Variants in PSG3 observed in about 807,000 individuals in gnomAD.
PSG3 encodes pregnancy-specific beta-1-glycoprotein 3.
PSG3 carries 61 observed loss-of-function variants against 47.5 expected under a neutral mutation model. That is an observed-to-expected ratio of 1.28 (90% CI 1.05 to 1.59). The LOEUF (loss-of-function observed/expected upper bound fraction) is 1.59. Among genes scored for constraint, PSG3 ranks in the 40% most tolerant of loss-of-function variants. The pLI is 0.00. For synonymous variants in PSG3, 263 were observed against 198.4 expected (o/e 1.33, Z -2.74); for missense variants, 756 against 524.0 (o/e 1.44, Z -4.32).
Position 42,729,257 on chromosome 19 carries a change from C to T in PSG3, c.1109G>A (p.Gly370Glu), listed in dbSNP as rs966932547. The T allele has an allele frequency of 1.2e-6, 2 of 1,613,910 alleles. No individual in the cohort carries two copies. Among genetic ancestry groups the T allele is most frequent in the Non-Finnish European group, 1.7e-6 (2 of 1,179,944 alleles). Residue 370 changes from glycine to glutamate, a missense_variant, in exon 5 of 7, where the codon GGG becomes GAG. Transcript: ENST00000327495. ...PPAEYSWTIN[G>E]KFQLSGQKLF... is the part of the protein sequence containing the mutation. ...CTTTTGTCCTGATAGCTGAAACTTC[C>T]CATTAATTGTCCAAGAATATTCTGC...
Position 42,729,108 on chromosome 19 carries a change from C to G in PSG3, c.1243+15G>C, listed in dbSNP as rs1261350872. 2 of 1,613,822 alleles carry G rather than the reference C, an allele frequency of 1.2e-6. No individual in the cohort carries two copies. Among genetic ancestry groups the G allele is most frequent in the African/African-American group, 2.7e-5 (2 of 74,920 alleles). On this transcript the variant is annotated intron_variant, in intron 5 of 6. Coordinates refer to ENST00000327495, the MANE Select transcript of PSG3 (RefSeq NM_021016.4). ...ACCTAAAACTCTATTGCCAAGCATG[C>G]TGGGATCCACTTACCAGAGACTTTG...
Position 42,737,232 on chromosome 19 carries a change from C to T in PSG3, c.430+1492G>A, listed in dbSNP as rs140086840. On this transcript the variant is annotated intron_variant, in intron 2 of 6. Transcript: ENST00000327495. ...GTCAAGAGGTAGTGGGGGGATGAAA[C>T]GTGGGTGTCAGCCTCTGAAGGACAA... Among the ~76,000 whole-genome samples, 381 of 152,188 alleles carry T rather than the reference C, an allele frequency of 2.5e-3. 3 individuals are homozygous for T. Among genetic ancestry groups the T allele is most frequent in the African/African-American group, 8.6e-3 (355 of 41,516 alleles).
In PSG3 at chr19:42,740,389, T is replaced by G; in HGVS notation, c.-5A>C. 6.2e-7 allele frequency: 1 copy of G among 1,614,066 alleles called. No homozygotes were observed. Among genetic ancestry groups the G allele is most frequent in the East Asian group, 2.2e-5 (1 of 44,878 alleles). ...AGGGGCTGAGAGGGGCCCCATGGTC[T>G]CTGCTGCCTGCGTGTTCTCCTCTGT... On this transcript the variant is annotated 5_prime_UTR_variant, in exon 1 of 7. Transcript: ENST00000327495.
At chr19:42,725,558 A>G (rs544225130) in intron 5 of PSG3, among the ~76,000 whole-genome samples, 3 of 152,190 alleles carry the variant, frequency 2.0e-5, no homozygotes, top group Non-Finnish European at 4.4e-5. Flanking sequence ...TAAAATTCCT[A>G]AAATCAGAAA....
chr19:42,739,269 C>A (rs2122203620), intron 1 of PSG3, 180 bp from the exon 2 acceptor site: 7 of 1,121,570 alleles, frequency 6.2e-6, no homozygotes, highest in East Asian at 2.5e-5. Flanking sequence ...GTCCTACTCT[C>A]CTACTAGGTG....
chr19:42,731,213 G>A (rs1010888936), intron 3 of PSG3, among the ~76,000 whole-genome samples: 6 of 152,208 alleles, frequency 3.9e-5, no homozygotes, highest in African/African-American at 1.2e-4. Flanking sequence ...CACAGATTGA[G>A]TATTTCTTAT....
In PSG3 at chr19:42,721,715, T is replaced by C. The variant is rs1162601400; in HGVS notation, c.*416A>G. On this transcript the variant is annotated 3_prime_UTR_variant, in exon 7 of 7. Transcript: ENST00000327495. ...AATAGTTTCCCAATTCTGGGGCACT[T>C]AGGGAGCAAAAGCAAATGTTTCAAT... 2.7e-6 allele frequency: 1 copy of C among 365,622 alleles called. No homozygotes were observed. The highest frequency in any genetic ancestry group is 2.1e-5 in the African/African-American group (1 of 47,934). 22.6% of individuals were successfully genotyped at this position (365,622 alleles called of 1,614,324 possible).
chr19:42,723,990 G>C lies in PSG3; in HGVS notation c.1279C>G (p.Pro427Ala). Residue 427 changes from proline to alanine, a missense_variant, in exon 6 of 7, where the codon CCA becomes GCA. Transcript: ENST00000327495. ...SGTGHLPGLN[P>A]L ...AAATGACATCACGGCTGCTATAATGGATTAAGGCCAGGAAGATGTCCTGTT... is the reference window on the plus strand; with the variant it reads ...AAATGACATCACGGCTGCTATAATGCATTAAGGCCAGGAAGATGTCCTGTT... The C allele has an allele frequency of 6.2e-7, 1 of 1,611,212 alleles. No homozygotes were observed. The highest frequency in any genetic ancestry group is 8.5e-7 in the Non-Finnish European group (1 of 1,177,352).
In PSG3 at chr19:42,732,848, A is replaced by C; in HGVS notation, c.645T>G (p.Tyr215Ter). The part of the protein sequence containing the change: ...FGVTKYTAGP[Y>*]ECEIRNPVSA... ...TCACTGGGTTCCGTATTTCACATTCATAGGGTCCTGCAGTGTACTTTGTGA... is the reference window on the plus strand; with the variant it reads ...TCACTGGGTTCCGTATTTCACATTCCTAGGGTCCTGCAGTGTACTTTGTGA... Residue 215 changes from tyrosine (Y) to a stop codon, truncating the protein, a stop_gained, in exon 3 of 7, where the codon TAT becomes TAG. Transcript: ENST00000327495. LOFTEE classifies it high-confidence loss of function. 1 of 1,614,166 alleles carries C rather than the reference A, an allele frequency of 6.2e-7. No individual in the cohort carries two copies. The highest frequency in any genetic ancestry group is 8.5e-7 in the Non-Finnish European group (1 of 1,180,018).
At chr19:42,730,756 T>C (rs1164674999) in intron 3 of PSG3, among the ~76,000 whole-genome samples, 2 of 152,226 alleles carry the variant, frequency 1.3e-5, no homozygotes, top group African/African-American at 4.8e-5. Context: ...AGGCAAGAGC[T>C]GGTGGCTTTG....
chr19:42,722,954 C>T (rs1339259586), intron 6 of PSG3, among the ~76,000 whole-genome samples: 1 of 152,170 alleles, frequency 6.6e-6, no homozygotes, highest in Non-Finnish European at 1.5e-5. Context: ...GCTTGAGCAT[C>T]CACTTTTAAA....
chr19:42,737,716 G>A (rs1969589798), intron 2 of PSG3, among the ~76,000 whole-genome samples: 1 of 152,124 alleles, frequency 6.6e-6, no homozygotes, highest in African/African-American at 2.4e-5. Flanking sequence ...GTGGAGGAGA[G>A]GGTGGGCCTT....
chr19:42,721,883 GGTT>G lies in PSG3; in HGVS notation c.*245_*247del, dbSNP rs1969305425. On this transcript the variant is annotated 3_prime_UTR_variant, in exon 7 of 7. Coordinates refer to ENST00000327495, the MANE Select transcript of PSG3 (RefSeq NM_021016.4). ...TTGACTATTTAGTCCAATAAAATTG[GGTT>G]TTTTTCTTTGTCTTGAATTTCATGA... 7.2e-6 allele frequency: 3 copies of G among 414,704 alleles called. No homozygotes were observed. The South Asian group carries it at 3.8e-4, about 53-fold the overall frequency. 25.7% of individuals were successfully genotyped at this position (414,704 alleles called of 1,614,324 possible).
At chr19:42,739,232 A>ACAC in intron 1 of PSG3, 143 bp from the exon 2 acceptor site, 7 of 1,312,158 alleles carry the variant, frequency 5.3e-6, no homozygotes, top group Non-Finnish European at 7.3e-6. Context: ...ACACACACAC[A>ACAC]AAAGGGGCAT....
In PSG3 at chr19:42,721,962, A is replaced by G. The variant is rs189476836; in HGVS notation, c.*169T>C. 5,314 of 416,338 alleles carry G rather than the reference A, an allele frequency of 0.013. 74 individuals carry two copies. Among genetic ancestry groups the G allele is most frequent in the Non-Finnish European group, 0.013 (2,846 of 226,952 alleles). The allele number at this position is 416,338 out of a possible 1,614,324, so 25.8% of individuals were successfully genotyped here. ...TGAAAGTTCTTAGTCCAGTGGTATG[A>G]TCTTGAAGTTATCAGGAACTTGTAT... On this transcript the variant is annotated 3_prime_UTR_variant, in exon 7 of 7. Coordinates refer to ENST00000327495, the MANE Select transcript of PSG3 (RefSeq NM_021016.4).
intron 3 of PSG3, chr19:42,731,968 A>G (rs1969479312): frequency 6.6e-6 from 1 of 151,632 alleles, no homozygotes; most frequent in Non-Finnish European, 1.5e-5. Context: ...AGAAAGAGTG[A>G]AGGGGACAGG....
At chr19:42,740,285 C>T (rs748752277) in intron 1 of PSG3, 36 bp downstream of exon 1, 1 of 1,613,826 alleles carries the variant, frequency 6.2e-7, no homozygotes, top group Non-Finnish European at 8.5e-7. Flanking sequence ...ACTCTGCTTC[C>T]TCCTCCTGTC....
intron 2 of PSG3, among the ~76,000 whole-genome samples, chr19:42,737,926 G>C (rs534085618): frequency 6.6e-6 from 1 of 152,218 alleles, no homozygotes; most frequent in Admixed American, 6.5e-5. Flanking sequence ...GCACAGTGGA[G>C]GTTTCACACA....
chr19:42,727,868 T>C (rs972088070), intron 5 of PSG3, among the ~76,000 whole-genome samples: 1 of 152,164 alleles, frequency 6.6e-6, no homozygotes, highest in Non-Finnish European at 1.5e-5. Flanking sequence ...TGGAAACAAC[T>C]GAAAAGTCCA....
Sources: allele counts gnomAD v4.1 joint callset (sites outside exome capture counted in the v4.1 genomes callset), GRCh38; gene constraint gnomAD v4.1.1; transcripts MANE v1.5; gene names NCBI Gene and HGNC (gene_info 2026-07-23, HGNC 2026-07-21).